The following IQCJ variants were observed in gnomAD, a reference collection of about 807,000 sequenced individuals.
IQCJ encodes IQ motif containing J.
Under a neutral mutation model 11.0 loss-of-function variants are expected in IQCJ, and 9 were observed. The ratio of observed to expected loss-of-function variants is 0.82; its 90% confidence interval spans 0.49 to 1.43. The LOEUF is 1.43. IQCJ is among the 40% of genes most tolerant of loss of function. The probability of loss-of-function intolerance (pLI) is 0.00; values close to 1 mark genes in which losing one functional copy is unlikely to be tolerated. For missense variants in IQCJ, 146 were observed against 133.2 expected (o/e 1.10, Z -0.47); for synonymous variants, 55 against 51.3 (o/e 1.07, Z -0.31).
intron 1 of IQCJ, among the ~76,000 whole-genome samples, chr3:159,137,231 C>A (rs1292801317): frequency 1.3e-5 from 2 of 150,396 alleles, no homozygotes; most frequent in East Asian, 3.9e-4. Context: ...CACTGCACTC[C>A]AGCCTGGGCA....
intron 1 of IQCJ, among the ~76,000 whole-genome samples, chr3:159,115,298 T>C (rs9816268): frequency 0.65 from 98,988 of 152,028 alleles, 32,543 homozygotes; most frequent in Non-Finnish European, 0.7. Context: ...CCCACCCCCA[T>C]TAACACATGG....
chr3:159,088,678 C>T (rs1716989348), intron 1 of IQCJ, among the ~76,000 whole-genome samples: 1 of 152,034 alleles, frequency 6.6e-6, no homozygotes, highest in South Asian at 2.1e-4. Flanking sequence ...ATGTAATGGC[C>T]TTCTTTGTCT....
At chr3:159,117,865 C>T (rs1294143695) in intron 1 of IQCJ, among the ~76,000 whole-genome samples, 1 of 151,986 alleles carries the variant, frequency 6.6e-6, no homozygotes, top group African/African-American at 2.4e-5. Context: ...TTATAACTTA[C>T]CCGGCATCAG....
chr3:159,242,678 C>T (rs1727002431), intron 1 of IQCJ, among the ~76,000 whole-genome samples: 1 of 151,484 alleles, frequency 6.6e-6, no homozygotes, highest in African/African-American at 2.4e-5. Context: ...ATTCTTACCA[C>T]ACACCATACC....
chr3:159,108,572 A>C (rs1351038433), intron 1 of IQCJ, among the ~76,000 whole-genome samples: 1 of 152,228 alleles, frequency 6.6e-6, no homozygotes, highest in African/African-American at 2.4e-5. Flanking sequence ...AGTTACTTAC[A>C]TTGAGCCTCT....
intron 1 of IQCJ, among the ~76,000 whole-genome samples, chr3:159,086,392 C>A (rs977823336): frequency 2.6e-5 from 4 of 152,050 alleles, no homozygotes; most frequent in African/African-American, 7.3e-5. Flanking sequence ...ATTGACTTGG[C>A]GATGCGTGCT....
intron 1 of IQCJ, among the ~76,000 whole-genome samples, chr3:159,217,344 C>T (rs1229452617): frequency 6.6e-6 from 1 of 152,034 alleles, no homozygotes; most frequent in East Asian, 1.9e-4. Flanking sequence ...TCAAGGTAGT[C>T]CTTCAAGATA....
chr3:159,254,786 T>A (rs1304158693), intron 3 of IQCJ, among the ~76,000 whole-genome samples: 4 of 152,164 alleles, frequency 2.6e-5, no homozygotes, highest in African/African-American at 9.7e-5. Flanking sequence ...ATACCAAGAC[T>A]GCCCCAGGTT....
chr3:159,244,345 G>T (rs989435235), intron 1 of IQCJ, among the ~76,000 whole-genome samples: 1 of 152,128 alleles, frequency 6.6e-6, no homozygotes, highest in East Asian at 1.9e-4. Context: ...GGGAAGATCT[G>T]AAAACAGCAA....
chr3:159,232,810 C>A (rs1305605087), intron 1 of IQCJ, among the ~76,000 whole-genome samples: 2 of 152,054 alleles, frequency 1.3e-5, no homozygotes, highest in African/African-American at 2.4e-5. Flanking sequence ...CTAATATTGA[C>A]AGTGGGGTGT....
intron 1 of IQCJ, among the ~76,000 whole-genome samples, chr3:159,230,970 T>G (rs1311421411): frequency 6.6e-6 from 1 of 152,192 alleles, no homozygotes; most frequent in Non-Finnish European, 1.5e-5. Context: ...TCAAACTTTG[T>G]ACTACATTTT....
intron 1 of IQCJ, among the ~76,000 whole-genome samples, chr3:159,165,527 C>A (rs940239863): frequency 6.6e-6 from 1 of 152,002 alleles, no homozygotes; most frequent in Admixed American, 6.6e-5. Context: ...TTTTCAATTA[C>A]AACAGAAACT....
chr3:159,197,814 T>C (rs984172769), intron 1 of IQCJ, among the ~76,000 whole-genome samples: 1 of 151,904 alleles, frequency 6.6e-6, no homozygotes, highest in Non-Finnish European at 1.5e-5. Flanking sequence ...GTGGACCCAA[T>C]GTGGTCAGCT....
At chr3:159,152,393 G>A (rs990892059) in intron 1 of IQCJ, among the ~76,000 whole-genome samples, 10 of 152,148 alleles carry the variant, frequency 6.6e-5, no homozygotes, top group African/African-American at 2.2e-4. Flanking sequence ...GTTCTCTGGG[G>A]CCCTTTCATG....
intron 1 of IQCJ, among the ~76,000 whole-genome samples, chr3:159,243,408 T>A (rs905057731): frequency 2.0e-5 from 3 of 152,198 alleles, no homozygotes; most frequent in Non-Finnish European, 4.4e-5. Context: ...TTGTTGTGTA[T>A]GTGTACAATA....
intron 1 of IQCJ, among the ~76,000 whole-genome samples, chr3:159,181,434 T>C (rs1170531312): frequency 6.8e-6 from 1 of 147,014 alleles, no homozygotes; most frequent in African/African-American, 2.5e-5. Flanking sequence ...CTAGACTTCC[T>C]GCCCAGTGAG....
intron 1 of IQCJ, among the ~76,000 whole-genome samples, chr3:159,086,620 A>G (rs946540180): frequency 6.6e-6 from 1 of 151,648 alleles, no homozygotes; most frequent in Non-Finnish European, 1.5e-5. Flanking sequence ...TTCTCCTTGA[A>G]GAGGTCCTTC....
chr3:159,140,994 A>G (rs532058280), intron 1 of IQCJ, among the ~76,000 whole-genome samples: 102 of 152,340 alleles, frequency 6.7e-4, no homozygotes, highest in South Asian at 1.5e-3. Context: ...GCTATTCGGT[A>G]TAAACAATCC....
intron 1 of IQCJ, among the ~76,000 whole-genome samples, chr3:159,094,677 A>G (rs919911547): frequency 6.6e-5 from 10 of 151,870 alleles, no homozygotes; most frequent in African/African-American, 2.4e-4. Context: ...ATCCCTTAGA[A>G]TCCTTAGAAC....
Sources: allele counts gnomAD v4.1 joint callset (sites outside exome capture counted in the v4.1 genomes callset), GRCh38; gene constraint gnomAD v4.1.1; transcripts MANE v1.5; gene names NCBI Gene and HGNC (gene_info 2026-07-23, HGNC 2026-07-21).